TCF12: variants seen among roughly 807,000 people sequenced by gnomAD.
TCF12 encodes the protein transcription factor 12.
Under a neutral mutation model 86.0 loss-of-function variants are expected in TCF12, and 45 were observed. The observed-to-expected ratio is 0.52, with a 90% CI of 0.41 to 0.67. TCF12 has a LOEUF of 0.67. TCF12 is among the 30% of genes least tolerant of loss of function. The pLI is 0.00. For synonymous variants in TCF12, 330 were observed against 299.6 expected (o/e 1.10, Z -1.05); for missense variants, 881 against 859.9 (o/e 1.02, Z -0.31).
At chr15:56,995,525 T>G (rs1417545789) in intron 3 of TCF12, among the ~76,000 whole-genome samples, 1 of 152,030 alleles carries the variant, frequency 6.6e-6, no homozygotes, top group Non-Finnish European at 1.5e-5. Context: ...AGTGATCTTT[T>G]ACGTCCTTGA....
At chr15:57,226,966 A>G (rs117142808) in intron 8 of TCF12, among the ~76,000 whole-genome samples, 6 of 152,310 alleles carry the variant, frequency 3.9e-5, no homozygotes, top group Non-Finnish European at 8.8e-5. Context: ...ATCATCACAG[A>G]AACCTATTGG....
At chr15:56,955,151 C>T (rs2140488948) in intron 3 of TCF12, among the ~76,000 whole-genome samples, 1 of 152,264 alleles carries the variant, frequency 6.6e-6, no homozygotes, top group African/African-American at 2.4e-5. Context: ...GGAAGCAATC[C>T]AGATGTCCAT....
intron 3 of TCF12, among the ~76,000 whole-genome samples, chr15:56,948,792 T>G (rs1290726629): frequency 6.6e-6 from 1 of 152,252 alleles, no homozygotes; most frequent in African/African-American, 2.4e-5. Context: ...CCTTCCGACA[T>G]CTTCCACTTT....
chr15:57,055,821 C>T (rs1042263201), intron 3 of TCF12, among the ~76,000 whole-genome samples: 32 of 152,106 alleles, frequency 2.1e-4, no homozygotes, highest in African/African-American at 6.3e-4. Flanking sequence ...AGTCTTTAAT[C>T]AGTAAGTTTG....
intron 4 of TCF12, among the ~76,000 whole-genome samples, chr15:57,087,099 C>A (rs12913192): frequency 6.6e-6 from 1 of 150,442 alleles, no homozygotes; most frequent in Non-Finnish European, 1.5e-5. Context: ...CTGTCTCCCT[C>A]TCTCTCCCTC....
intron 6 of TCF12, among the ~76,000 whole-genome samples, chr15:57,186,022 A>G (rs762214175): frequency 1.3e-5 from 2 of 152,240 alleles, no homozygotes; most frequent in African/African-American, 4.8e-5. Flanking sequence ...TTATAGAAAT[A>G]AAAAGGATTA....
intron 5 of TCF12, among the ~76,000 whole-genome samples, chr15:57,163,346 A>G (rs377212819): frequency 2.0e-5 from 3 of 152,322 alleles, no homozygotes; most frequent in African/African-American, 7.2e-5. Context: ...TTGACGTAGA[A>G]GTTTTACAAC....
chr15:57,272,845 CTG>C (rs2061205716), intron 18 of TCF12, among the ~76,000 whole-genome samples, 183 bp from the exon 19 acceptor site: 1 of 152,190 alleles, frequency 6.6e-6, no homozygotes. Flanking sequence ...AACTGTATGA[CTG>C]TATATGTGCA....
intron 3 of TCF12, among the ~76,000 whole-genome samples, chr15:57,043,626 G>A (rs1264164204): frequency 5.3e-5 from 8 of 152,210 alleles, no homozygotes; most frequent in Admixed American, 2.6e-4. Context: ...GAGAAATTGG[G>A]TATTCTTAAT....
intron 19 of TCF12, among the ~76,000 whole-genome samples, chr15:57,273,640 A>C (rs1328470311): frequency 6.6e-6 from 1 of 151,616 alleles, no homozygotes; most frequent in Non-Finnish European, 1.5e-5. Context: ...CTCTGTATTC[A>C]TTTTCTTGCC....
chr15:57,197,735 A>T (rs553979945), intron 7 of TCF12, 38 bp from the exon 8 acceptor site: 4 of 1,605,714 alleles, frequency 2.5e-6, no homozygotes, highest in Non-Finnish European at 3.4e-6. Flanking sequence ...TTTTTCTGGT[A>T]TATTATGCTG....
At chr15:57,129,068 A>C (rs1478211544) in intron 5 of TCF12, among the ~76,000 whole-genome samples, 1 of 152,172 alleles carries the variant, frequency 6.6e-6, no homozygotes, top group Non-Finnish European at 1.5e-5. Flanking sequence ...TTACCAGGTA[A>C]TATAACTCTG....
intron 18 of TCF12, among the ~76,000 whole-genome samples, chr15:57,270,907 CA>C (rs1485555336): frequency 6.6e-6 from 1 of 152,150 alleles, no homozygotes; most frequent in African/African-American, 2.4e-5. Flanking sequence ...TGCAGAACAG[CA>C]AATATTGCTG....
intron 3 of TCF12, among the ~76,000 whole-genome samples, chr15:56,957,854 T>C (rs1183666659): frequency 2.0e-5 from 3 of 151,756 alleles, no homozygotes; most frequent in African/African-American, 7.3e-5. Context: ...TTGAAACTAC[T>C]TGATCTTTTC....
intron 3 of TCF12, among the ~76,000 whole-genome samples, chr15:57,062,571 C>A (rs1400935118): frequency 6.6e-6 from 1 of 152,046 alleles, no homozygotes; most frequent in East Asian, 1.9e-4. Flanking sequence ...CTGACCCCTC[C>A]CCCTTCCCTG....
chr15:57,188,483 A>T (rs912907506), intron 6 of TCF12, among the ~76,000 whole-genome samples: 2 of 152,196 alleles, frequency 1.3e-5, no homozygotes, highest in Non-Finnish European at 2.9e-5. Flanking sequence ...TCCTAAATTT[A>T]TATGGAATTT....
At chr15:56,944,037 G>T (rs1211626309) in intron 3 of TCF12, among the ~76,000 whole-genome samples, 2 of 152,160 alleles carry the variant, frequency 1.3e-5, no homozygotes, top group Middle Eastern at 3.4e-3. Context: ...TGAATATGAG[G>T]TCTTCATTTT....
intron 3 of TCF12, among the ~76,000 whole-genome samples, chr15:57,041,347 C>G (rs572189044): frequency 6.6e-6 from 1 of 152,060 alleles, no homozygotes. Context: ...CCAAATAGTT[C>G]TTTCTCTTAT....
At chr15:57,239,052 G>T (rs1442495884) in intron 12 of TCF12, among the ~76,000 whole-genome samples, 1 of 152,088 alleles carries the variant, frequency 6.6e-6, no homozygotes, top group Admixed American at 6.6e-5. Context: ...AATAGGGTAT[G>T]TAGGTTAAAA....
Sources: gnomAD v4.1 joint callset for allele counts (sites outside exome capture counted in the v4.1 genomes callset) on GRCh38, gnomAD v4.1.1 for gene constraint, MANE v1.5 for transcripts, NCBI Gene and HGNC (gene_info 2026-07-23, HGNC 2026-07-21) for gene names.